XPO7: variants seen among roughly 807,000 people sequenced by gnomAD.
XPO7 encodes exportin-7.
XPO7 carries 21 observed loss-of-function variants against 144.3 expected under a neutral mutation model. The observed-to-expected ratio is 0.15, with a 90% confidence interval of 0.10 to 0.21. The LOEUF is 0.21. XPO7 is among the 10% of genes least tolerant of loss of function. The pLI is 1.00. For synonymous variants in XPO7, 580 were observed against 499.6 expected, an observed-to-expected ratio of 1.16 and a Z score of -2.15; for missense variants, 808 against 1,325.8, an observed-to-expected ratio of 0.61 and a Z score of 6.06.
intron 2 of XPO7, 123 bp from the exon 3 acceptor site, chr8:21,969,360 G>T: frequency 1.3e-6 from 1 of 773,602 alleles, no homozygotes; most frequent in Non-Finnish European, 2.1e-6. Context: ...CTAAAATCCA[G>T]AGGATCAAAT....
intron 6 of XPO7, among the ~76,000 whole-genome samples, 178 bp from the exon 7 acceptor site, chr8:21,976,178 G>T (rs1812215944): frequency 6.6e-6 from 1 of 152,086 alleles, no homozygotes; most frequent in Non-Finnish European, 1.5e-5. Flanking sequence ...AGTATATAAG[G>T]AGCTAGGTAT....
chr8:21,967,015 C>G lies in XPO7; in HGVS notation c.165+12C>G, dbSNP rs1283136728. On this transcript the variant is annotated intron_variant, in intron 2 of 27. Transcript: ENST00000252512. Reference sequence around the variant, plus strand: ...TCGAAAGAGGAAGTGTGCGTAAGATCTGAAAATCCTAAAGGATAACAGGCG... The same window carrying G: ...TCGAAAGAGGAAGTGTGCGTAAGATGTGAAAATCCTAAAGGATAACAGGCG... The G allele has an allele frequency of 6.2e-6, 10 of 1,610,600 alleles. No homozygotes were observed. Among genetic ancestry groups the G allele is most frequent in the Non-Finnish European group, 8.5e-6 (10 of 1,178,150 alleles).
At chr8:21,988,426 C>A in intron 15 of XPO7, 1 of 155,832 alleles carries the variant, frequency 6.4e-6, no homozygotes, top group Non-Finnish European at 1.4e-5. Context: ...ACATTTTTCC[C>A]TTTTTAGGAG....
At chr8:21,987,635 T>G (rs1812624447) in intron 14 of XPO7, 149 bp from the exon 15 acceptor site, 8 of 898,652 alleles carry the variant, frequency 8.9e-6, no homozygotes, top group Non-Finnish European at 1.3e-5. Flanking sequence ...CAGTAATACT[T>G]GGAAACTAGC....
Position 21,969,590 on chromosome 8 carries a change from T to G in XPO7, c.259+14T>G. ...GAATAGATATTCGTAAGTGGAGAAT[T>G]TTCTGTTCTGTCTTGAAGAAAATAG... is the stretch of plus-strand genomic sequence containing the variant. On this transcript the variant is annotated intron_variant, in intron 3 of 27. Coordinates refer to ENST00000252512, the MANE Select transcript of XPO7 (RefSeq NM_015024.5). 6.2e-7 allele frequency: 1 copy of G among 1,606,754 alleles called. No individual in the cohort carries two copies. Among genetic ancestry groups the G allele is most frequent in the Non-Finnish European group, 8.5e-7 (1 of 1,173,970 alleles).
intron 8 of XPO7, among the ~76,000 whole-genome samples, chr8:21,979,166 C>T (rs1043661268): frequency 4.6e-5 from 7 of 152,250 alleles, no homozygotes; most frequent in Non-Finnish European, 1.0e-4. Flanking sequence ...CTGCCTCAGC[C>T]TCCTGAGTAG....
intron 1 of XPO7, among the ~76,000 whole-genome samples, chr8:21,950,110 C>G (rs1444737387): frequency 1.3e-5 from 2 of 152,184 alleles, no homozygotes; most frequent in Non-Finnish European, 2.9e-5. Context: ...CTTGACTGAC[C>G]ACTGTTGGTC....
chr8:21,921,447 T>C (rs1810284637), intron 1 of XPO7: 1 of 152,206 alleles, frequency 6.6e-6, no homozygotes, highest in Non-Finnish European at 1.5e-5. Context: ...TTGTGAACCA[T>C]GCTTCGGAAT....
At chr8:21,980,042 A>T (rs372762756) in intron 8 of XPO7, 42 bp from the exon 9 acceptor site, 3 of 1,520,502 alleles carry the variant, frequency 2.0e-6, no homozygotes. Context: ...GTAACTGTAC[A>T]GTCTTTTTAA....
intron 3 of XPO7, 39 bp downstream of exon 3, chr8:21,969,615 GT>G: frequency 6.4e-7 from 1 of 1,553,404 alleles, no homozygotes; most frequent in African/African-American, 1.4e-5. Context: ...GAAGAAAATA[GT>G]TTGTTTAGTG....
intron 13 of XPO7, 101 bp from the exon 14 acceptor site, chr8:21,987,040 A>G: frequency 6.5e-7 from 1 of 1,531,272 alleles, no homozygotes; most frequent in Non-Finnish European, 8.8e-7. Flanking sequence ...AGGTTGCTGT[A>G]CCCAAGTACA....
At chr8:21,951,643 G>A (rs541554259) in intron 1 of XPO7, among the ~76,000 whole-genome samples, 1 of 152,272 alleles carries the variant, frequency 6.6e-6, no homozygotes, top group South Asian at 2.1e-4. Flanking sequence ...TGCCCATTTT[G>A]TTTGAATATT....
rs888069740 is a variant in XPO7, at chr8:21,985,617, A to G, written c.1503A>G (p.Gly501=). Reference sequence around the variant, plus strand: ...TGACATGGCTGGTTTACATTATTGGAGCAGTGATCGGTGGCCGGGTTTCTT... The same window carrying G: ...TGACATGGCTGGTTTACATTATTGGGGCAGTGATCGGTGGCCGGGTTTCTT... ...GRLTWLVYII[G]AVIGGRVSFA... Residue 501 remains glycine (G), a synonymous_variant, in exon 13 of 28, where the codon GGA becomes GGG. Transcript: ENST00000252512. 1 of 1,613,784 alleles carries G rather than the reference A, an allele frequency of 6.2e-7. No homozygotes were observed. The highest frequency in any genetic ancestry group is 1.3e-5 in the African/African-American group (1 of 74,902).
chr8:21,937,539 C>T (rs185131065), intron 1 of XPO7, among the ~76,000 whole-genome samples: 2 of 152,314 alleles, frequency 1.3e-5, no homozygotes, highest in Admixed American at 1.3e-4. Flanking sequence ...CTGTTCCCAT[C>T]ACTGCTTCTG....
chr8:21,938,719 A>G (rs1810896050), intron 1 of XPO7, among the ~76,000 whole-genome samples: 1 of 152,310 alleles, frequency 6.6e-6, no homozygotes, highest in South Asian at 2.1e-4. Flanking sequence ...GATCAGCCAG[A>G]TGATTCCGAA....
chr8:21,963,189 C>T (rs1811779404), intron 1 of XPO7, among the ~76,000 whole-genome samples: 2 of 152,162 alleles, frequency 1.3e-5, no homozygotes, highest in African/African-American at 2.4e-5. Context: ...AACATGATGG[C>T]AGCTTCTGCT....
chr8:21,965,838 A>T (rs1472683893), intron 1 of XPO7, among the ~76,000 whole-genome samples: 3 of 152,064 alleles, frequency 2.0e-5, no homozygotes, highest in African/African-American at 4.8e-5. Context: ...GGTTGGTTTA[A>T]TTATTATTAT....
At chr8:21,932,110 G>A (rs1312106115) in intron 1 of XPO7, among the ~76,000 whole-genome samples, 1 of 152,098 alleles carries the variant, frequency 6.6e-6, no homozygotes, top group Non-Finnish European at 1.5e-5. Context: ...CTGACCTCAG[G>A]TGATCCGCAC....
At chr8:21,940,515 G>A (rs1423441082) in intron 1 of XPO7, among the ~76,000 whole-genome samples, 2 of 151,628 alleles carry the variant, frequency 1.3e-5, no homozygotes, top group Admixed American at 6.6e-5. Flanking sequence ...TGTCACCCAG[G>A]CTGGAGTGCG....
Sources: gnomAD v4.1 joint callset for allele counts (sites outside exome capture counted in the v4.1 genomes callset) on GRCh38, gnomAD v4.1.1 for gene constraint, MANE v1.5 for transcripts, NCBI Gene and HGNC (gene_info 2026-07-23, HGNC 2026-07-21) for gene names.